The following NCAM1 variants were observed in gnomAD, a reference collection of about 807,000 sequenced individuals.
NCAM1 encodes antigen recognized by monoclonal antibody 5.1H11.
A neutral mutation model predicts 109.8 loss-of-function variants in NCAM1; 14 were observed. The observed-to-expected ratio is 0.13, with a 90% confidence interval of 0.08 to 0.20. The LOEUF is 0.20. Ranked by LOEUF, NCAM1 falls within the 10% of genes least tolerant of loss-of-function variation. The probability of loss-of-function intolerance (pLI) is 1.00; values close to 1 mark genes in which losing one functional copy is unlikely to be tolerated. For synonymous variants in NCAM1, 418 were observed against 442.9 expected (o/e 0.94, Z 0.70); for missense variants, 774 against 1,109.9 (o/e 0.70, Z 4.30).
At chr11:113,144,600 G>A (rs566995590) in intron 1 of NCAM1, among the ~76,000 whole-genome samples, 1 of 152,196 alleles carries the variant, frequency 6.6e-6, no homozygotes, top group African/African-American at 2.4e-5. Context: ...AAGTGAAAAA[G>A]AGCTGACCCT....
Position 113,216,579 on chromosome 11 carries a change from G to T in NCAM1, c.1059+2068G>T, listed in dbSNP as rs528568323. On this transcript the variant is annotated intron_variant, in intron 8 of 19. Coordinates refer to ENST00000316851, the MANE Select transcript of NCAM1 (RefSeq NM_181351.5). ...TAGTGACTACTTTTTATATAATTCT[G>T]CTATCACTATAGATCATTTGTCTTA... is the stretch of plus-strand genomic sequence containing the variant. Among the ~76,000 whole-genome samples the T allele has an allele frequency of 7.0e-4, 106 of 152,264 alleles. 1 individual carries two copies. In the South Asian group the frequency reaches 0.02, roughly 29 times the overall value.
At chr11:113,157,579 C>T (rs1304636741) in intron 1 of NCAM1, among the ~76,000 whole-genome samples, 2 of 152,152 alleles carry the variant, frequency 1.3e-5, no homozygotes, top group Admixed American at 6.6e-5. Context: ...CTTCTCTATA[C>T]TCCTACACAT....
intron 1 of NCAM1, among the ~76,000 whole-genome samples, chr11:113,107,858 C>G (rs1363051606): frequency 6.6e-6 from 1 of 152,192 alleles, no homozygotes; most frequent in Non-Finnish European, 1.5e-5. Context: ...TGCAGTAATT[C>G]TAGGACATAA....
At chr11:113,090,426 C>T (rs1425312237) in intron 1 of NCAM1, among the ~76,000 whole-genome samples, 1 of 152,208 alleles carries the variant, frequency 6.6e-6, no homozygotes, top group African/African-American at 2.4e-5. Context: ...CGCATTATTT[C>T]ACTTTCTGCG....
At chr11:113,234,407 C>T (rs1008579682) in intron 13 of NCAM1, among the ~76,000 whole-genome samples, 2 of 152,030 alleles carry the variant, frequency 1.3e-5, no homozygotes, top group Non-Finnish European at 2.9e-5. Flanking sequence ...TTTTATCATC[C>T]CAAACTGAAA....
At chr11:113,260,618 C>G (rs1233728427) in intron 17 of NCAM1, among the ~76,000 whole-genome samples, 1 of 152,156 alleles carries the variant, frequency 6.6e-6, no homozygotes, top group Non-Finnish European at 1.5e-5. Flanking sequence ...TGCCCCAGCT[C>G]CAGCCTAGCC....
chr11:113,024,968 G>C (rs917080184), intron 1 of NCAM1, among the ~76,000 whole-genome samples: 1 of 152,176 alleles, frequency 6.6e-6, no homozygotes, highest in African/African-American at 2.4e-5. Context: ...GGACAATTAG[G>C]GAAAGCCGTT....
At chr11:113,090,666 G>T (rs1489457558) in intron 1 of NCAM1, among the ~76,000 whole-genome samples, 1 of 152,180 alleles carries the variant, frequency 6.6e-6, no homozygotes, top group African/African-American at 2.4e-5. Context: ...AAGTATGCTA[G>T]AGGGAAAGGA....
chr11:113,063,058 A>G (rs1366137072), intron 1 of NCAM1, among the ~76,000 whole-genome samples: 1 of 152,230 alleles, frequency 6.6e-6, no homozygotes, highest in Non-Finnish European at 1.5e-5. Context: ...CCAATGTCAT[A>G]AAGAATCTTG....
At chr11:113,265,502 G>A (rs1946119603) in intron 17 of NCAM1, among the ~76,000 whole-genome samples, 1 of 152,200 alleles carries the variant, frequency 6.6e-6, no homozygotes, top group Admixed American at 6.5e-5. Flanking sequence ...GCACAACTCT[G>A]TGGCAAGGTC....
chr11:113,031,693 AAAAG>A (rs1170437715), intron 1 of NCAM1, among the ~76,000 whole-genome samples: 3 of 151,958 alleles, frequency 2.0e-5, no homozygotes, highest in Non-Finnish European at 2.9e-5. Context: ...TCTCAAAAAA[AAAAG>A]AAAAGAAAAA....
intron 1 of NCAM1, among the ~76,000 whole-genome samples, chr11:112,989,553 T>G (rs1951403482): frequency 6.6e-6 from 1 of 152,176 alleles, no homozygotes; most frequent in African/African-American, 2.4e-5. Context: ...TGTATTGTTT[T>G]GCATCTCATT....
At chr11:113,061,188 C>T (rs880000123) in intron 1 of NCAM1, among the ~76,000 whole-genome samples, 3 of 152,040 alleles carry the variant, frequency 2.0e-5, no homozygotes, top group Non-Finnish European at 4.4e-5. Context: ...CTGTCTCTGG[C>T]TTATTTCACT....
chr11:113,031,691 AAAAAAGAAAAG>A (rs1401086554), intron 1 of NCAM1, among the ~76,000 whole-genome samples: 4 of 151,572 alleles, frequency 2.6e-5, no homozygotes, highest in African/African-American at 9.7e-5. Context: ...TGTCTCAAAA[AAAAAAGAAAAG>A]AAAAAGAAAA....
intron 1 of NCAM1, among the ~76,000 whole-genome samples, chr11:113,095,187 T>C (rs888974546): frequency 1.3e-5 from 2 of 152,220 alleles, no homozygotes; most frequent in Non-Finnish European, 2.9e-5. Context: ...TGATCCATCA[T>C]AAATTAACAT....
intron 1 of NCAM1, among the ~76,000 whole-genome samples, chr11:113,017,328 AC>A (rs1249299844): frequency 2.0e-5 from 3 of 152,188 alleles, no homozygotes; most frequent in Non-Finnish European, 4.4e-5. Context: ...ACATGAACAA[AC>A]TTTTTTAAAA....
chr11:113,157,947 A>T (rs1482047127), intron 1 of NCAM1, among the ~76,000 whole-genome samples: 1 of 152,112 alleles, frequency 6.6e-6, no homozygotes, highest in African/African-American at 2.4e-5. Flanking sequence ...CGTCAAAGGT[A>T]ATTGTGGGCA....
intron 1 of NCAM1, among the ~76,000 whole-genome samples, chr11:113,056,935 C>T (rs528883546): frequency 3.3e-5 from 5 of 152,140 alleles, no homozygotes; most frequent in Non-Finnish European, 5.9e-5. Context: ...TTCATAGAAT[C>T]GTTTAATCAT....
intron 1 of NCAM1, among the ~76,000 whole-genome samples, chr11:113,120,896 G>T (rs1436109): frequency 0.086 from 13,025 of 152,198 alleles, 729 homozygotes; most frequent in East Asian, 0.12. Context: ...TCAATGGTTT[G>T]TACATGATGC....
Sources: gnomAD v4.1 joint callset for allele counts (sites outside exome capture counted in the v4.1 genomes callset) on GRCh38, gnomAD v4.1.1 for gene constraint, MANE v1.5 for transcripts, NCBI Gene and HGNC (gene_info 2026-07-23, HGNC 2026-07-21) for gene names.